MICB: variants seen among roughly 807,000 people sequenced by gnomAD.
MICB encodes MHC class I antigen-related protein B.
MICB carries 27 observed loss-of-function variants against 34.3 expected under a neutral mutation model. That is an observed-to-expected ratio of 0.79 (90% confidence interval 0.58 to 1.08). MICB has a LOEUF of 1.08. MICB is among the 50% of genes least tolerant of loss of function. MICB has a pLI of 0.00. For missense variants in MICB, 426 were observed against 483.1 expected (o/e 0.88, Z 1.11); for synonymous variants, 153 against 187.4 (o/e 0.82, Z 1.50).
intron 1 of MICB, among the ~76,000 whole-genome samples, chr6:31,501,589 C>T (rs55949203): frequency 0.062 from 9,429 of 152,080 alleles, 497 homozygotes; most frequent in South Asian, 0.26. Flanking sequence ...ATCTTTAATC[C>T]TTTTTGATTG....
At chr6:31,505,536 G>A (rs1582876210) in intron 1 of MICB, 81 bp from the exon 2 acceptor site, 13 of 1,569,948 alleles carry the variant, frequency 8.3e-6, no homozygotes, top group East Asian at 4.5e-5. Context: ...CAGGGAGGTC[G>A]GGACAGCAGA....
rs766185724 is a variant in MICB, at chr6:31,507,127, G to A, written c.719G>A (p.Arg240His). 46 of 1,614,010 alleles carry A rather than the reference G, an allele frequency of 2.9e-5. No homozygotes were observed. The highest frequency in any genetic ancestry group is 1.7e-4 in the Admixed American group (10 of 59,992). Residue 240 changes from arginine to histidine, a missense_variant, in exon 4 of 6, where the codon CGT becomes CAT. Coordinates refer to ENST00000252229, the MANE Select transcript of MICB (RefSeq NM_005931.5). This position sits in a 1 kb window ranked among gnomAD's most constrained non-coding sequence, Gnocchi z 6.0. ...FYPRNITLTW[R>H]QDGVSLSHNT... The stretch of plus-strand genomic sequence containing the variant: ...CCCCGGAATATCACACTGACCTGGC[G>A]TCAGGATGGGGTATCTTTGAGCCAC...
rs546988309 is a variant in MICB at position 31,510,864 on chromosome 6, T to G, written c.*955T>G. On this transcript the variant is annotated 3_prime_UTR_variant, in exon 6 of 6. Coordinates refer to ENST00000252229, the MANE Select transcript of MICB (RefSeq NM_005931.5). ...CCTGGCCTATTTTATTATATTGTAATATATTTTATTATATTAGCCACCATG... is the reference window on the plus strand; with the variant it reads ...CCTGGCCTATTTTATTATATTGTAAGATATTTTATTATATTAGCCACCATG... The G allele has an allele frequency of 6.6e-6, 1 of 152,278 alleles. No individual in the cohort carries two copies. Among genetic ancestry groups the G allele is most frequent in the East Asian group, 1.9e-4 (1 of 5,192 alleles). The allele number at this position is 152,278 out of a possible 1,614,324, so 9.4% of individuals were successfully genotyped here.
rs766853464 is a variant in MICB, at chr6:31,505,774, C to A, written c.228C>A (p.Val76=). Residue 76 remains valine (V), a synonymous_variant, in exon 2 of 6, where the codon GTC becomes GTA. Transcript: ENST00000252229. ...AKPQGQWAEN[V]LGAKTWDTET... ...CCCAGGGACAGTGGGCAGAAAATGT[C>A]CTGGGAGCTAAGACCTGGGACACAG... The A allele has an allele frequency of 2.5e-6, 4 of 1,613,208 alleles. No homozygotes were observed. The highest frequency in any genetic ancestry group is 1.1e-5 in the South Asian group (1 of 91,082).
Position 31,502,124 on chromosome 6 carries a change from T to A in MICB, c.71-3493T>A, listed in dbSNP as rs112448367. ...GCCGAGTCAGGTGGATCACTTGAGA[T>A]CAGGAGTTCAAGACCAGCCTGATCA... is the stretch of plus-strand genomic sequence containing the variant. On this transcript the variant is annotated intron_variant, in intron 1 of 5. Coordinates refer to ENST00000252229, the MANE Select transcript of MICB (RefSeq NM_005931.5). 3.8e-3 allele frequency among the ~76,000 whole-genome samples: 584 copies of A among 152,162 alleles called. 3 individuals carry two copies. The highest frequency in any genetic ancestry group is 0.014 in the African/African-American group (565 of 41,486).
chr6:31,495,170 G>T (rs1332866246), upstream of MICB, among the ~76,000 whole-genome samples: 1 of 152,150 alleles, frequency 6.6e-6, no homozygotes, highest in Non-Finnish European at 1.5e-5. Context: ...GCCTCCCCTA[G>T]CCCAGGGGAG....
At chr6:31,499,706 C>T (rs1287253677) in intron 1 of MICB, among the ~76,000 whole-genome samples, 1 of 152,098 alleles carries the variant, frequency 6.6e-6, no homozygotes, top group Non-Finnish European at 1.5e-5. Flanking sequence ...GTGGCCCCTT[C>T]CCCACTCCTT....
At chr6:31,498,384 G>T (rs1390259934) in intron 1 of MICB, 121 bp downstream of exon 1, 7 of 638,480 alleles carry the variant, frequency 1.1e-5, no homozygotes, top group Non-Finnish European at 1.7e-5. Flanking sequence ...TGTCTGGAGT[G>T]CAGGGAGCTG....
At chr6:31,504,096 T>G (rs904261897) in intron 1 of MICB, among the ~76,000 whole-genome samples, 1 of 151,940 alleles carries the variant, frequency 6.6e-6, no homozygotes, top group Non-Finnish European at 1.5e-5. Context: ...ATTGATCATT[T>G]GTATATTTTC....
chr6:31,506,016 C>T lies in MICB; in HGVS notation c.326-127C>T, dbSNP rs917801740. On this transcript the variant is annotated intron_variant, in intron 2 of 5. Coordinates refer to ENST00000252229, the MANE Select transcript of MICB (RefSeq NM_005931.5). ...AGGGAGGCTCAGCAGGGTGGTGAGC[C>T]GGAACTCAGCCCACACAGGGAGGCA... is the stretch of plus-strand genomic sequence containing the variant. 65 of 1,477,924 alleles carry T rather than the reference C, an allele frequency of 4.4e-5. No individual in the cohort carries two copies. The East Asian group carries it at 5.7e-4, about 13-fold the overall frequency. 91.6% of individuals were successfully genotyped at this position (1,477,924 alleles called of 1,614,324 possible). A position where few individuals can be genotyped will look rare whatever the true frequency, so the allele number is the denominator to read the frequency against.
In MICB at chr6:31,507,075, G is replaced by A. The variant is rs754399495; in HGVS notation, c.667G>A (p.Val223Met). Reference protein sequence around the residue: ...CSEVSEGNITVTCRASSFYPR... With the variant: ...CSEVSEGNITMTCRASSFYPR... ...CGAGGTCTCAGAGGGCAACATCACC[G>A]TGACATGCAGGGCTTCCAGCTTCTA... The change falls in exon 4 of 6, where the codon GTG becomes ATG. Residue 223 changes from valine (V) to methionine (M), a missense_variant. Val to Met is a conservative substitution (Grantham distance 21, BLOSUM62 1). Coordinates refer to ENST00000252229, the MANE Select transcript of MICB (RefSeq NM_005931.5). The surrounding 1 kb of genome is among the most constrained non-coding windows in gnomAD (Gnocchi z 6.0). 31 of 1,613,868 alleles carry A rather than the reference G, an allele frequency of 1.9e-5. No individual in the cohort carries two copies. Among genetic ancestry groups the A allele is most frequent in the African/African-American group, 6.7e-5 (5 of 74,902 alleles).
intron 1 of MICB, 145 bp from the exon 2 acceptor site, chr6:31,505,472 T>G: frequency 1.7e-6 from 2 of 1,162,674 alleles, no homozygotes; most frequent in Non-Finnish European, 2.4e-6. Context: ...CAGTTTTCCT[T>G]GTATATGAAA....
upstream of MICB, among the ~76,000 whole-genome samples, chr6:31,495,560 A>G (rs1333562768): frequency 6.6e-6 from 1 of 152,202 alleles, no homozygotes; most frequent in Non-Finnish European, 1.5e-5. Context: ...TCTCGAATAC[A>G]TTACATTTTC....
rs958790674 is a variant in MICB, at chr6:31,507,519, G to C, written c.1012G>C (p.Ala338Pro). ...TTGTTGCAAGAAGAAAACATCAGCGGCAGAGGGTCCAGGTGAGAAAAGGGG... is the reference window on the plus strand; with the variant it reads ...TTGTTGCAAGAAGAAAACATCAGCGCCAGAGGGTCCAGGTGAGAAAAGGGG... The part of the protein sequence containing the change: ...VPCCKKKTSA[A>P]EGPELVSLQV... Residue 338 changes from alanine to proline, a missense_variant, in exon 5 of 6, where the codon GCA becomes CCA. Transcript: ENST00000252229. The surrounding 1 kb of genome is among the most constrained non-coding windows in gnomAD (Gnocchi z 6.0). 3 of 1,614,052 alleles carry C rather than the reference G, an allele frequency of 1.9e-6. No individual in the cohort carries two copies. In the African/African-American group the frequency reaches 4.0e-5, roughly 22 times the overall value.
At chr6:31,504,092 C>A (rs1245987017) in intron 1 of MICB, among the ~76,000 whole-genome samples, 3 of 151,468 alleles carry the variant, frequency 2.0e-5, no homozygotes, top group Non-Finnish European at 1.5e-5. Flanking sequence ...GTTTATTGAT[C>A]ATTTGTATAT....
In MICB at chr6:31,508,917, A is replaced by G. The variant is rs9267428; in HGVS notation, c.1025-865A>G. Among the ~76,000 whole-genome samples the G allele has an allele frequency of 5.9e-3, 893 of 152,224 alleles. 8 individuals are homozygous for G. Among genetic ancestry groups the G allele is most frequent in the Non-Finnish European group, 7.5e-3 (511 of 67,992 alleles). On this transcript the variant is annotated intron_variant, in intron 5 of 5. Coordinates refer to ENST00000252229, the MANE Select transcript of MICB (RefSeq NM_005931.5). ...TGGAGATGGTGGCTGTGGCAGCGGC[A>G]GTTCCCAGGTGCAGAGGGTGGGCAG...
At chr6:31,501,149 G>A (rs1031691372) in intron 1 of MICB, among the ~76,000 whole-genome samples, 4 of 152,126 alleles carry the variant, frequency 2.6e-5, no homozygotes, top group Admixed American at 6.5e-5. Flanking sequence ...ATGATATCTC[G>A]TAGGAGTTTT....
chr6:31,497,048 G>A (rs1764704888), upstream of MICB, among the ~76,000 whole-genome samples: 3 of 152,200 alleles, frequency 2.0e-5, no homozygotes, highest in African/African-American at 7.2e-5. Context: ...AGCAGATGGG[G>A]CGCTGTGGGT....
intron 2 of MICB, 99 bp downstream of exon 2, chr6:31,505,970 G>A: frequency 6.7e-7 from 1 of 1,492,318 alleles, no homozygotes; most frequent in Admixed American, 2.2e-5. Context: ...CTGGCTGGGG[G>A]TGGGGATGAG....
Sources: gnomAD v4.1 joint callset for allele counts (sites outside exome capture counted in the v4.1 genomes callset) on GRCh38, gnomAD v4.1.1 for gene constraint, Gnocchi (gnomAD v3.1) non-coding constraint, MANE v1.5 for transcripts, NCBI Gene and HGNC (gene_info 2026-07-23, HGNC 2026-07-21) for gene names.